Variants in SORCS1 observed in about 807,000 individuals in gnomAD.
SORCS1 encodes sortilin related VPS10 domain containing receptor 1.
Under a neutral mutation model 146.1 loss-of-function variants are expected in SORCS1, and 60 were observed. That is an observed-to-expected ratio of 0.41 (90% CI 0.33 to 0.51). The LOEUF (loss-of-function observed/expected upper bound fraction) is 0.51, where lower values mean the gene tolerates loss of function less well. Among genes scored for constraint, SORCS1 ranks in the 20% least tolerant of loss-of-function variants. SORCS1 has a pLI of 0.21. For missense variants in SORCS1, 1,352 were observed against 1,487.6 expected, an observed-to-expected ratio of 0.91 and a Z score of 1.50; for synonymous variants, 637 against 584.0, an observed-to-expected ratio of 1.09 and a Z score of -1.31.
chr10:106,928,357 C>T (rs1202077914), intron 2 of SORCS1, among the ~76,000 whole-genome samples: 1 of 152,238 alleles, frequency 6.6e-6, no homozygotes, highest in East Asian at 1.9e-4. Flanking sequence ...GTGCTAAGCC[C>T]CTCATTGCCA....
At chr10:106,870,427 G>T (rs1950364722) in intron 2 of SORCS1, among the ~76,000 whole-genome samples, 1 of 152,034 alleles carries the variant, frequency 6.6e-6, no homozygotes, top group South Asian at 2.1e-4. Flanking sequence ...ACATTTCCTG[G>T]CTATAAACTA....
intron 3 of SORCS1, among the ~76,000 whole-genome samples, chr10:106,813,513 A>T (rs1947582435): frequency 6.6e-6 from 1 of 152,208 alleles, no homozygotes; most frequent in South Asian, 2.1e-4. Context: ...GTGAGTAAAG[A>T]GAGGCAGCTG....
chr10:106,734,970 A>G (rs1443446946), intron 5 of SORCS1, among the ~76,000 whole-genome samples: 1 of 151,898 alleles, frequency 6.6e-6, no homozygotes, highest in Non-Finnish European at 1.5e-5. Flanking sequence ...ACATGGCAAA[A>G]CCCCGTCTCT....
chr10:107,052,584 T>C (rs1016314336), intron 1 of SORCS1, among the ~76,000 whole-genome samples: 30 of 152,250 alleles, frequency 2.0e-4, no homozygotes, highest in South Asian at 6.2e-4. Context: ...TATCAGCACT[T>C]TAAAGGATAA....
intron 2 of SORCS1, among the ~76,000 whole-genome samples, chr10:106,866,247 T>C (rs1451627067): frequency 6.6e-6 from 1 of 152,004 alleles, no homozygotes; most frequent in Non-Finnish European, 1.5e-5. Context: ...CTAAGTGCCT[T>C]ATCCACACCA....
In SORCS1 at chr10:106,958,383, A is replaced by C. The variant is rs147499980; in HGVS notation, c.559-1803T>G. On this transcript the variant is annotated intron_variant, in intron 1 of 25. Coordinates refer to ENST00000263054, the MANE Select transcript of SORCS1 (RefSeq NM_052918.5). ...GTTCTAGCCACAGTAAGCATAGAACATTCTAACCTTAAATTCCGGGGCTGT... is the reference window on the plus strand; with the variant it reads ...GTTCTAGCCACAGTAAGCATAGAACCTTCTAACCTTAAATTCCGGGGCTGT... Among the ~76,000 whole-genome samples the C allele has an allele frequency of 2.0e-3, 307 of 152,332 alleles. 2 individuals carry two copies. The highest frequency in any genetic ancestry group is 7.2e-3 in the African/African-American group (301 of 41,584).
intron 1 of SORCS1, among the ~76,000 whole-genome samples, chr10:107,132,155 T>G (rs2134640661): frequency 6.6e-6 from 1 of 152,200 alleles, no homozygotes; most frequent in South Asian, 2.1e-4. Flanking sequence ...CTTTCCCCTC[T>G]TCTTTCTCTT....
At chr10:107,044,932 C>G (rs562681225) in intron 1 of SORCS1, among the ~76,000 whole-genome samples, 12 of 151,594 alleles carry the variant, frequency 7.9e-5, no homozygotes, top group Non-Finnish European at 1.8e-4. Context: ...ACACATGCTG[C>G]AGGAGATGGA....
intron 1 of SORCS1, among the ~76,000 whole-genome samples, chr10:107,096,538 A>G (rs1370587372): frequency 2.0e-5 from 3 of 152,088 alleles, no homozygotes; most frequent in Non-Finnish European, 2.9e-5. Context: ...TTTGAGACGG[A>G]GTCTCCTTCT....
chr10:106,660,337 G>T (rs1850631706), intron 17 of SORCS1, among the ~76,000 whole-genome samples: 1 of 152,122 alleles, frequency 6.6e-6, no homozygotes, highest in South Asian at 2.1e-4. Context: ...TATACATTGT[G>T]TAATGATTAA....
At chr10:106,711,898 T>A (rs920542831) in intron 6 of SORCS1, among the ~76,000 whole-genome samples, 1 of 152,170 alleles carries the variant, frequency 6.6e-6, no homozygotes, top group Admixed American at 6.5e-5. Context: ...TTAAGTGACT[T>A]CTGTTTTCCA....
At chr10:107,075,848 T>G (rs1962833209) in intron 1 of SORCS1, among the ~76,000 whole-genome samples, 1 of 152,074 alleles carries the variant, frequency 6.6e-6, no homozygotes. Context: ...TGCTCTTTAA[T>G]CTCTCTACAC....
At chr10:107,172,519 T>C in the SORCS1 span, among the ~76,000 whole-genome samples, 1 of 152,344 alleles carries the variant, frequency 6.6e-6, no homozygotes, top group East Asian at 1.9e-4. Flanking sequence ...TCTGACATTG[T>C]ACTTTTTTAA....
At chr10:106,773,874 T>A (rs1268984555) in intron 4 of SORCS1, among the ~76,000 whole-genome samples, 1 of 151,750 alleles carries the variant, frequency 6.6e-6, no homozygotes, top group African/African-American at 2.4e-5. Flanking sequence ...GCCTGAACCC[T>A]GGAGGCAGAG....
chr10:106,835,842 CTAAAAA>C (rs1426336000), intron 2 of SORCS1, among the ~76,000 whole-genome samples: 10 of 151,876 alleles, frequency 6.6e-5, no homozygotes, highest in African/African-American at 2.4e-4. Flanking sequence ...CCCATCTCTA[CTAAAAA>C]TACAAAATCA....
intron 1 of SORCS1, among the ~76,000 whole-genome samples, chr10:107,057,442 T>A (rs916236369): frequency 6.6e-6 from 1 of 152,180 alleles, no homozygotes; most frequent in Non-Finnish European, 1.5e-5. Context: ...TTGGGAGTCA[T>A]ATCCTCAAAC....
At chr10:106,928,382 G>A (rs977498125) in intron 2 of SORCS1, among the ~76,000 whole-genome samples, 1 of 152,224 alleles carries the variant, frequency 6.6e-6, no homozygotes, top group African/African-American at 2.4e-5. Context: ...CCGGCAGGCT[G>A]CTCCGAGTGC....
At chr10:106,985,726 G>A (rs942014406) in intron 1 of SORCS1, among the ~76,000 whole-genome samples, 4 of 151,728 alleles carry the variant, frequency 2.6e-5, no homozygotes, top group Admixed American at 1.3e-4. Context: ...TAGTAGAGAC[G>A]GGGTTTCACC....
intron 2 of SORCS1, among the ~76,000 whole-genome samples, chr10:106,881,307 C>T (rs1950798704): frequency 6.6e-6 from 1 of 152,040 alleles, no homozygotes; most frequent in Non-Finnish European, 1.5e-5. Context: ...AACAGCAGTG[C>T]CTAATCCTTA....
Sources: allele counts gnomAD v4.1 joint callset (sites outside exome capture counted in the v4.1 genomes callset), GRCh38; gene constraint gnomAD v4.1.1; transcripts MANE v1.5; gene names NCBI Gene and HGNC (gene_info 2026-07-23, HGNC 2026-07-21).